KDM1A: variants seen among roughly 807,000 people sequenced by gnomAD.
KDM1A encodes the protein lysine demethylase 1A, also known as lysine-specific histone demethylase 1A.
A neutral mutation model predicts 109.4 loss-of-function variants in KDM1A; 49 were observed. That is an observed-to-expected ratio of 0.45 (90% CI 0.36 to 0.57). The LOEUF is 0.57. Among genes scored for constraint, KDM1A ranks in the 20% least tolerant of loss-of-function variants. The pLI, the probability that KDM1A is intolerant of heterozygous loss-of-function variation, is 0.00. For synonymous variants in KDM1A, 380 were observed against 415.4 expected, an observed-to-expected ratio of 0.91 and a Z score of 1.04; for missense variants, 668 against 1,116.6, an observed-to-expected ratio of 0.60 and a Z score of 5.73.
At chr1:23,067,224 T>TA (rs1404529283) in intron 10 of KDM1A, among the ~76,000 whole-genome samples, 2 of 152,250 alleles carry the variant, frequency 1.3e-5, no homozygotes, top group Non-Finnish European at 2.9e-5. Flanking sequence ...ATGTATAGTC[T>TA]TTGGGAACTT....
intron 1 of KDM1A, among the ~76,000 whole-genome samples, chr1:23,026,047 C>T (rs1049467864): frequency 3.9e-5 from 6 of 152,054 alleles, no homozygotes; most frequent in Non-Finnish European, 1.5e-5. Flanking sequence ...GCTGAGATCA[C>T]GCCACTGCTT....
intron 2 of KDM1A, among the ~76,000 whole-genome samples, chr1:23,038,059 C>T (rs1642200520): frequency 6.6e-6 from 1 of 152,098 alleles, no homozygotes; most frequent in African/African-American, 2.4e-5. Flanking sequence ...TATGTATAAA[C>T]ATCTTGTATT....
At chr1:23,070,925 C>G (rs1293508170) in intron 12 of KDM1A, among the ~76,000 whole-genome samples, 1 of 151,672 alleles carries the variant, frequency 6.6e-6, no homozygotes, top group Non-Finnish European at 1.5e-5. Context: ...TGGGTTTTTT[C>G]TTTGTTTGTT....
chr1:23,081,422 G>C (rs750818557), intron 18 of KDM1A, 24 bp from the exon 19 acceptor site: 3 of 1,613,714 alleles, frequency 1.9e-6, no homozygotes, highest in Admixed American at 3.3e-5. Context: ...GAAAACCCTA[G>C]AATTATCCTT....
In KDM1A at chr1:23,042,441, T is replaced by TTA. The variant is rs1553127469; in HGVS notation, c.518-1985_518-1984insAT. Reference sequence around the variant, plus strand: ...TTTTAAAAATCTATGAAATATATTATTTTTTTTTTTTTTTTTTTTTTTTTT... The same window carrying TTA: ...TTTTAAAAATCTATGAAATATATTATTATTTTTTTTTTTTTTTTTTTTTTTTT... On this transcript the variant is annotated intron_variant, in intron 2 of 20. Transcript: ENST00000400181. Among the ~76,000 whole-genome samples the TTA allele has an allele frequency of 2.5e-4, 6 of 24,234 alleles. No homozygotes were observed. In the South Asian group the frequency reaches 5.7e-3, roughly 23 times the overall value. The allele number at this position is 24,234 out of a possible 152,430, so 15.9% of individuals were successfully genotyped here. A position where few individuals can be genotyped will look rare whatever the true frequency, so the allele number is the denominator to read the frequency against.
intron 1 of KDM1A, among the ~76,000 whole-genome samples, chr1:23,029,249 T>A (rs1308784801): frequency 1.3e-5 from 2 of 152,372 alleles, no homozygotes; most frequent in South Asian, 4.1e-4. Context: ...ATCTTGGAAA[T>A]GTAAAACATT....
At chr1:23,036,575 T>G (rs1317974255) in intron 2 of KDM1A, among the ~76,000 whole-genome samples, 1 of 151,100 alleles carries the variant, frequency 6.6e-6, no homozygotes, top group Non-Finnish European at 1.5e-5. Context: ...GAAAAGGTAA[T>G]TCAACAGAAT....
chr1:23,078,285 G>A (rs1643523570), intron 16 of KDM1A, among the ~76,000 whole-genome samples: 1 of 152,190 alleles, frequency 6.6e-6, no homozygotes, highest in Admixed American at 6.5e-5. Context: ...AGAACAGTGA[G>A]AATAGATGTT....
chr1:23,062,436 C>CA (rs1168582864), intron 9 of KDM1A, among the ~76,000 whole-genome samples: 1 of 152,058 alleles, frequency 6.6e-6, no homozygotes, highest in African/African-American at 2.4e-5. Context: ...CAGCTTCAGT[C>CA]AAAAAACGTA....
At position 23,083,552 on chromosome 1, in the gene KDM1A, T is replaced by C; in HGVS notation, c.*188T>C. ...ATGACCTAGAGCACAGGGAGGAACT[T>C]GTCCATTAGTTTGGAATTGTGTTCT... On this transcript the variant is annotated 3_prime_UTR_variant, in exon 21 of 21. Transcript: ENST00000400181. The C allele has an allele frequency of 2.1e-6, 1 of 481,718 alleles. No individual in the cohort carries two copies. 29.8% of individuals were successfully genotyped at this position (481,718 alleles called of 1,614,324 possible).
intron 2 of KDM1A, among the ~76,000 whole-genome samples, chr1:23,040,976 AGC>A (rs747666486): frequency 1.2e-4 from 19 of 152,344 alleles, no homozygotes; most frequent in Non-Finnish European, 2.1e-4. Context: ...GAAAGCTAAC[AGC>A]GCTACTTGCC....
intron 2 of KDM1A, among the ~76,000 whole-genome samples, chr1:23,036,957 G>A (rs1290970015): frequency 6.6e-6 from 1 of 152,098 alleles, no homozygotes; most frequent in African/African-American, 2.4e-5. Flanking sequence ...AGGGTTCAAA[G>A]AGAAAGAGTA....
At chr1:23,051,849 C>A (rs191814074) in intron 4 of KDM1A, among the ~76,000 whole-genome samples, 1 of 152,038 alleles carries the variant, frequency 6.6e-6, no homozygotes, top group South Asian at 2.1e-4. Flanking sequence ...TGCTTAATTT[C>A]GATTGTTAAA....
rs1186274426 is a variant in KDM1A, at chr1:23,055,146, A to T, written c.868A>T (p.Ile290Leu). Residue 290 changes from isoleucine to leucine, a missense_variant, in exon 6 of 21, where the codon ATA becomes TTA. Transcript: ENST00000400181. ...GLINFGIYKR[I>L]KPLPTKKTGK... ...TATCAACTTCGGCATCTATAAGAGG[A>T]TAAAACCCCTACCAAGTAAGGACCT... is the stretch of plus-strand genomic sequence containing the variant. 1.2e-6 allele frequency: 2 copies of T among 1,607,370 alleles called. No homozygotes were observed. The highest frequency in any genetic ancestry group is 1.7e-5 in the Admixed American group (1 of 58,544).
intron 2 of KDM1A, among the ~76,000 whole-genome samples, chr1:23,034,143 A>G (rs1340995837): frequency 6.6e-6 from 1 of 152,118 alleles, no homozygotes; most frequent in East Asian, 1.9e-4. Context: ...AAATGGGTAA[A>G]TAATGGATTT....
At chr1:23,033,489 T>C (rs547247423) in intron 2 of KDM1A, among the ~76,000 whole-genome samples, 1 of 152,094 alleles carries the variant, frequency 6.6e-6, no homozygotes, top group East Asian at 1.9e-4. Context: ...GCCACTGCAC[T>C]CCAGTCTTTG....
At chr1:23,080,873 A>G (rs1025942395) in intron 18 of KDM1A, 1 of 152,294 alleles carries the variant, frequency 6.6e-6, no homozygotes, top group African/African-American at 2.4e-5. Flanking sequence ...GTTTTTCTTC[A>G]TAGCTTTTAA....
intron 2 of KDM1A, among the ~76,000 whole-genome samples, chr1:23,034,605 T>C (rs1642087760): frequency 6.6e-6 from 1 of 152,202 alleles, no homozygotes; most frequent in Non-Finnish European, 1.5e-5. Context: ...GGCTTTTTTA[T>C]TTTCACATGG....
At chr1:23,042,656 T>G (rs1642382898) in intron 2 of KDM1A, among the ~76,000 whole-genome samples, 1 of 150,670 alleles carries the variant, frequency 6.6e-6, no homozygotes, top group African/African-American at 2.4e-5. Flanking sequence ...GTTTCACCGT[T>G]TTAGCCGGGA....
Sources: gnomAD v4.1 joint callset for allele counts (sites outside exome capture counted in the v4.1 genomes callset) on GRCh38, gnomAD v4.1.1 for gene constraint, MANE v1.5 for transcripts, NCBI Gene and HGNC (gene_info 2026-07-23, HGNC 2026-07-21) for gene names.